PLCXD2: variants seen among roughly 807,000 people sequenced by gnomAD.
PLCXD2 encodes PI-PLC X domain-containing protein 2.
In PLCXD2, 21 loss-of-function variants were observed where a neutral mutation model predicts 28.6. The ratio of observed to expected loss-of-function variants is 0.73; its 90% CI spans 0.52 to 1.06. The LOEUF (loss-of-function observed/expected upper bound fraction) is 1.06, where lower values mean the gene tolerates loss of function less well. PLCXD2 is among the 50% of genes least tolerant of loss of function. The pLI, the probability that PLCXD2 is intolerant of heterozygous loss-of-function variation, is 0.00. For synonymous variants in PLCXD2, 140 were observed against 150.1 expected (o/e 0.93, Z 0.49); for missense variants, 369 against 376.7 (o/e 0.98, Z 0.17).
intron 1 of PLCXD2, among the ~76,000 whole-genome samples, chr3:111,680,011 A>G (rs1331821249): frequency 2.0e-5 from 3 of 152,008 alleles, no homozygotes; most frequent in Non-Finnish European, 4.4e-5. Flanking sequence ...GGTGCTCCTC[A>G]CTGCTCTCCG....
chr3:111,689,506 C>T (rs1202631144), intron 1 of PLCXD2, among the ~76,000 whole-genome samples: 1 of 152,212 alleles, frequency 6.6e-6, no homozygotes. Flanking sequence ...AACACCCTCC[C>T]TTCCAATAAC....
At chr3:111,697,104 T>C (rs1940971600) in intron 1 of PLCXD2, among the ~76,000 whole-genome samples, 1 of 152,160 alleles carries the variant, frequency 6.6e-6, no homozygotes, top group South Asian at 2.1e-4. Context: ...ATCCAAACTC[T>C]TGCTATCCAA....
rs992544370 is a variant in PLCXD2 at position 111,679,882 on chromosome 3, C to T, written c.163+4474C>T. ...CTTCCCTTGTCAAATTAGAGCTTTT[C>T]ATCTTTGCTGCCTGGCTGCTGCCTC... On this transcript the variant is annotated intron_variant, in intron 1 of 4. Transcript: ENST00000477665. Among the ~76,000 whole-genome samples the T allele has an allele frequency of 3.3e-5, 5 of 152,280 alleles. 1 individual carries two copies. The highest frequency in any genetic ancestry group is 2.6e-4 in the Admixed American group (4 of 15,298).
intron 1 of PLCXD2, among the ~76,000 whole-genome samples, chr3:111,684,244 C>T (rs768497893): frequency 1.6e-4 from 24 of 150,568 alleles, no homozygotes; most frequent in Non-Finnish European, 2.4e-4. Flanking sequence ...ACAGGAGAAT[C>T]GCTTGAACCC....
intron 3 of PLCXD2, chr3:111,721,345 A>C (rs1941343331): frequency 6.6e-6 from 1 of 152,246 alleles, no homozygotes; most frequent in African/African-American, 2.4e-5. Context: ...ATCTAACATC[A>C]ACCAGGGGCT....
At position 111,709,653 on chromosome 3, in the gene PLCXD2, A is replaced by G. The variant is rs184038763; in HGVS notation, c.624+1267A>G. Among the ~76,000 whole-genome samples the G allele has an allele frequency of 9.2e-5, 14 of 152,316 alleles. No homozygotes were observed. The East Asian group carries it at 2.3e-3, about 25-fold the overall frequency. ...GATGACATTTGAAGGGGTTAATCAC[A>G]TGCTTATTTGGGGGCAGAAGAAGCA... On this transcript the variant is annotated intron_variant, in intron 2 of 4. Coordinates refer to ENST00000477665, the MANE Select transcript of PLCXD2 (RefSeq NM_001185106.1).
intron 1 of PLCXD2, among the ~76,000 whole-genome samples, chr3:111,685,899 G>C (rs930184484): frequency 2.6e-5 from 4 of 152,190 alleles, no homozygotes; most frequent in African/African-American, 7.2e-5. Context: ...TCCCCATGTA[G>C]AGGGCTTTAA....
At chr3:111,722,289 G>C (rs1941357917) in intron 3 of PLCXD2, 1 of 151,916 alleles carries the variant, frequency 6.6e-6, no homozygotes, top group African/African-American at 2.4e-5. Context: ...TCTTACCCAG[G>C]ATAGATGCTG....
At position 111,683,637 on chromosome 3, in the gene PLCXD2, A is replaced by G. The variant is rs542135051; in HGVS notation, c.163+8229A>G. 9.2e-4 allele frequency among the ~76,000 whole-genome samples: 140 copies of G among 152,324 alleles called. 3 individuals are homozygous for G. In the South Asian group the frequency reaches 0.028, roughly 31 times the overall value. ...TCTCCTAGGCACTGGTGATTCAGTG[A>G]TGATCAATACAGACATGGTCCTTGC... On this transcript the variant is annotated intron_variant, in intron 1 of 4. Coordinates refer to ENST00000477665, the MANE Select transcript of PLCXD2 (RefSeq NM_001185106.1).
chr3:111,703,560 C>G (rs1941076684), intron 1 of PLCXD2, among the ~76,000 whole-genome samples: 1 of 152,078 alleles, frequency 6.6e-6, no homozygotes, highest in Non-Finnish European at 1.5e-5. Flanking sequence ...TCCCTAATGC[C>G]CAGGGAAGAA....
At chr3:111,702,018 A>T (rs1352006554) in intron 1 of PLCXD2, among the ~76,000 whole-genome samples, 1 of 152,098 alleles carries the variant, frequency 6.6e-6, no homozygotes, top group African/African-American at 2.4e-5. Context: ...TTTGCAACTT[A>T]CAAGAGTCTG....
rs188182707 is a variant in PLCXD2, at chr3:111,706,050, G to T, written c.164-1876G>T. Reference sequence around the variant, plus strand: ...TTTTTGTATTTTTTGTAGAGATAGGGTTTCACACATGTTGCCTAGGCTGGT... The same window carrying T: ...TTTTTGTATTTTTTGTAGAGATAGGTTTTCACACATGTTGCCTAGGCTGGT... On this transcript the variant is annotated intron_variant, in intron 1 of 4. Coordinates refer to ENST00000477665, the MANE Select transcript of PLCXD2 (RefSeq NM_001185106.1). Among the ~76,000 whole-genome samples, 9 of 152,158 alleles carry T rather than the reference G, an allele frequency of 5.9e-5. No individual in the cohort carries two copies. The East Asian group carries it at 1.6e-3, about 26-fold the overall frequency.
intron 1 of PLCXD2, among the ~76,000 whole-genome samples, chr3:111,684,093 AG>A (rs1940756698): frequency 6.6e-6 from 1 of 152,114 alleles, no homozygotes. Context: ...GCAATTTGGG[AG>A]GCCAAGGCAG....
At chr3:111,707,713 A>G (rs138494597) in intron 1 of PLCXD2, among the ~76,000 whole-genome samples, 2 of 152,238 alleles carry the variant, frequency 1.3e-5, no homozygotes, top group African/African-American at 2.4e-5. Flanking sequence ...TATGAAAACT[A>G]TAGTATTACC....
In PLCXD2 at chr3:111,721,233, G is replaced by A. The variant is rs965822026; in HGVS notation, c.866+7105G>A. 76 of 157,530 alleles carry A rather than the reference G, an allele frequency of 4.8e-4. 1 individual carries two copies. The highest frequency in any genetic ancestry group is 5.2e-4 in the Admixed American group (8 of 15,400). 9.8% of individuals were successfully genotyped at this position (157,530 alleles called of 1,614,324 possible). A position where few individuals can be genotyped will look rare whatever the true frequency, so the allele number is the denominator to read the frequency against. ...CTAATTGGCCCAGCTCCCTATTGTC[G>A]TCTGGGGTGTTGTGTTTGAGCCGGT... On this transcript the variant is annotated intron_variant, in intron 3 of 4. Coordinates refer to ENST00000477665, the MANE Select transcript of PLCXD2 (RefSeq NM_001185106.1).
At chr3:111,716,198 T>C (rs1388682385) in intron 3 of PLCXD2, among the ~76,000 whole-genome samples, 1 of 152,194 alleles carries the variant, frequency 6.6e-6, no homozygotes, top group East Asian at 1.9e-4. Context: ...GAGGAAAATA[T>C]AGCTCTGGTT....
At chr3:111,726,805 A>G (rs575372605) in intron 3 of PLCXD2, 4 of 152,322 alleles carry the variant, frequency 2.6e-5, no homozygotes, top group Admixed American at 2.6e-4. Flanking sequence ...AGTGAAAAAA[A>G]ATATGATGAC....
intron 1 of PLCXD2, among the ~76,000 whole-genome samples, chr3:111,700,429 A>G (rs927399800): frequency 1.2e-4 from 19 of 152,224 alleles, no homozygotes; most frequent in Admixed American, 7.2e-4. Context: ...AGTCCTATGC[A>G]TATAGAACAT....
intron 2 of PLCXD2, among the ~76,000 whole-genome samples, chr3:111,709,531 C>A (rs188479151): frequency 3.0e-4 from 45 of 151,892 alleles, no homozygotes; most frequent in Non-Finnish European, 5.1e-4. Flanking sequence ...CTATGGAAAA[C>A]GAAAAGGTCA....
Sources: gnomAD v4.1 joint callset for allele counts (sites outside exome capture counted in the v4.1 genomes callset) on GRCh38, gnomAD v4.1.1 for gene constraint, MANE v1.5 for transcripts, NCBI Gene and HGNC (gene_info 2026-07-23, HGNC 2026-07-21) for gene names.